ATRNL1: variants seen among roughly 807,000 people sequenced by gnomAD.
The protein encoded by ATRNL1 is attractin like 1.
Under a neutral mutation model 182.7 loss-of-function variants are expected in ATRNL1, and 95 were observed. The observed-to-expected ratio is 0.52, with a 90% confidence interval of 0.44 to 0.62. ATRNL1 has a LOEUF of 0.62. Ranked by LOEUF, ATRNL1 falls within the 20% of genes least tolerant of loss-of-function variation. The pLI, the probability that ATRNL1 is intolerant of heterozygous loss-of-function variation, is 0.00. For synonymous variants in ATRNL1, 576 were observed against 568.3 expected (o/e 1.01, Z -0.19); for missense variants, 1,471 against 1,679.5 (o/e 0.88, Z 2.17).
At chr10:115,382,206 A>T (rs1858054689) in intron 19 of ATRNL1, among the ~76,000 whole-genome samples, 1 of 152,122 alleles carries the variant, frequency 6.6e-6, no homozygotes, top group Non-Finnish European at 1.5e-5. Flanking sequence ...TGTATTTTAG[A>T]ATCAGCTTGT....
intron 28 of ATRNL1, among the ~76,000 whole-genome samples, chr10:115,913,989 C>A (rs1320885145): frequency 1.3e-5 from 2 of 152,108 alleles, no homozygotes; most frequent in Non-Finnish European, 2.9e-5. Flanking sequence ...AAATTCTAAT[C>A]CCCACGTTTT....
intron 26 of ATRNL1, among the ~76,000 whole-genome samples, chr10:115,643,353 C>T (rs1206663052): frequency 3.9e-5 from 6 of 151,982 alleles, no homozygotes; most frequent in Admixed American, 2.0e-4. Context: ...TAAACCTAAA[C>T]GTAAAGCTGA....
At chr10:115,774,965 G>A (rs1471428561) in intron 27 of ATRNL1, among the ~76,000 whole-genome samples, 6 of 151,826 alleles carry the variant, frequency 4.0e-5, no homozygotes, top group Admixed American at 2.6e-4. Flanking sequence ...CTATTGTGAC[G>A]TTGACTAATA....
chr10:115,500,365 C>T (rs782522819), intron 24 of ATRNL1, among the ~76,000 whole-genome samples: 1 of 152,072 alleles, frequency 6.6e-6, no homozygotes, highest in African/African-American at 2.4e-5. Flanking sequence ...GAATTTGGTC[C>T]AAACCTTAGA....
At chr10:115,374,942 CTGT>C (rs1376649408) in intron 19 of ATRNL1, among the ~76,000 whole-genome samples, 1 of 151,324 alleles carries the variant, frequency 6.6e-6, no homozygotes, top group African/African-American at 2.4e-5. Context: ...AATGTGTATG[CTGT>C]TGTTGTTGAA....
rs557553973 is a variant in ATRNL1 at position 115,329,022 on chromosome 10, A to AT, written c.3038-5252dup. ...CTGGATCATATAGTATTATATTTTT[A>AT]TTTTTTTTGAGAAACCTCCAACTGT... On this transcript the variant is annotated intron_variant, in intron 18 of 28. Coordinates refer to ENST00000355044, the MANE Select transcript of ATRNL1 (RefSeq NM_207303.4). Among the ~76,000 whole-genome samples the AT allele has an allele frequency of 3.8e-4, 58 of 151,664 alleles. 1 individual carries two copies. Among genetic ancestry groups the AT allele is most frequent in the Non-Finnish European group, 7.2e-4 (49 of 67,796 alleles).
chr10:115,574,344 A>G (rs924188070), intron 26 of ATRNL1, among the ~76,000 whole-genome samples: 5 of 119,304 alleles, frequency 4.2e-5, no homozygotes, highest in Non-Finnish European at 7.4e-5. Context: ...AAAACTACAT[A>G]TATATAAATG....
At chr10:115,331,354 G>T (rs1855212580) in intron 18 of ATRNL1, among the ~76,000 whole-genome samples, 1 of 152,106 alleles carries the variant, frequency 6.6e-6, no homozygotes, top group Admixed American at 6.6e-5. Context: ...GCCACCGCAG[G>T]TGTGAGGCCT....
At chr10:115,620,823 T>C (rs1457958121) in intron 26 of ATRNL1, among the ~76,000 whole-genome samples, 2 of 152,228 alleles carry the variant, frequency 1.3e-5, no homozygotes, top group Non-Finnish European at 2.9e-5. Flanking sequence ...CACAAAGATA[T>C]AGCTTTCATT....
chr10:115,310,068 C>A (rs1853938639), intron 17 of ATRNL1, among the ~76,000 whole-genome samples: 1 of 152,000 alleles, frequency 6.6e-6, no homozygotes, highest in Admixed American at 6.6e-5. Context: ...TAAAGATATG[C>A]TGGATTTTAA....
chr10:115,784,448 C>T (rs1405433117), intron 27 of ATRNL1, among the ~76,000 whole-genome samples: 3 of 152,090 alleles, frequency 2.0e-5, no homozygotes, highest in Non-Finnish European at 4.4e-5. Flanking sequence ...GGTCCTAAAC[C>T]GAGGGTTGAC....
chr10:115,724,180 T>C (rs1947523624), intron 26 of ATRNL1, among the ~76,000 whole-genome samples: 1 of 152,224 alleles, frequency 6.6e-6, no homozygotes, highest in South Asian at 2.1e-4. Flanking sequence ...TCAAATTTTC[T>C]TAAGAAAATA....
chr10:115,593,941 A>G (rs1324346416), intron 26 of ATRNL1, among the ~76,000 whole-genome samples: 6 of 152,198 alleles, frequency 3.9e-5, no homozygotes, highest in African/African-American at 1.2e-4. Context: ...TATTTAATCT[A>G]TTTAAATGAC....
At position 115,380,870 on chromosome 10, in the gene ATRNL1, A is replaced by G. The variant is rs187393517; in HGVS notation, c.3176-13789A>G. ...ACATTCCGTGTATGTTTTATTGTGG[A>G]CATTTAAAAAAATCCTCTTTGGTAT... On this transcript the variant is annotated intron_variant, in intron 19 of 28. Transcript: ENST00000355044. 2.3e-3 allele frequency among the ~76,000 whole-genome samples: 355 copies of G among 152,300 alleles called. 2 individuals are homozygous for G. The highest frequency in any genetic ancestry group is 8.3e-3 in the African/African-American group (345 of 41,580).
intron 27 of ATRNL1, among the ~76,000 whole-genome samples, chr10:115,779,824 A>C (rs373273131): frequency 1.3e-5 from 2 of 152,324 alleles, no homozygotes; most frequent in African/African-American, 4.8e-5. Flanking sequence ...GAAAATGCCA[A>C]TGTAGTCTAT....
At chr10:115,793,504 G>A (rs2134216599) in intron 27 of ATRNL1, among the ~76,000 whole-genome samples, 1 of 79,244 alleles carries the variant, frequency 1.3e-5, no homozygotes, top group African/African-American at 5.0e-5. Flanking sequence ...TTAATACCAT[G>A]GATTTTATAA....
intron 26 of ATRNL1, among the ~76,000 whole-genome samples, chr10:115,569,713 C>CT (rs146253760): frequency 1.4e-3 from 211 of 151,696 alleles, no homozygotes; most frequent in African/African-American, 4.6e-3. Flanking sequence ...AGTAGGATAA[C>CT]TGTTTGTCTC....
chr10:115,317,273 A>G (rs1292144287), intron 18 of ATRNL1, among the ~76,000 whole-genome samples: 1 of 150,272 alleles, frequency 6.7e-6, no homozygotes, highest in African/African-American at 2.4e-5. Context: ...CCATTGGTCT[A>G]CATCTGTTTT....
intron 26 of ATRNL1, among the ~76,000 whole-genome samples, chr10:115,588,258 G>A (rs1855688727): frequency 6.6e-6 from 1 of 152,080 alleles, no homozygotes; most frequent in Non-Finnish European, 1.5e-5. Flanking sequence ...TGCCATGGAT[G>A]GTGATTTATG....
Sources: allele counts gnomAD v4.1 joint callset (sites outside exome capture counted in the v4.1 genomes callset), GRCh38; gene constraint gnomAD v4.1.1; transcripts MANE v1.5; gene names NCBI Gene and HGNC (gene_info 2026-07-23, HGNC 2026-07-21).